Variants in MSTO1 observed in about 807,000 individuals in gnomAD.
The protein encoded by MSTO1 is protein misato homolog 1.
Under a neutral mutation model 55.7 loss-of-function variants are expected in MSTO1, and 24 were observed. The observed-to-expected ratio is 0.43, with a 90% CI of 0.31 to 0.61. MSTO1 has a LOEUF of 0.61. Among genes scored for constraint, MSTO1 ranks in the 20% least tolerant of loss-of-function variants. MSTO1 has a pLI of 0.09. For synonymous variants in MSTO1, 162 were observed against 252.8 expected, an observed-to-expected ratio of 0.64 and a Z score of 3.41; for missense variants, 363 against 625.7, an observed-to-expected ratio of 0.58 and a Z score of 4.48.
At chr1:155,588,142 G>T in the MSTO1 span, among the ~76,000 whole-genome samples, 1 of 151,368 alleles carries the variant, frequency 6.6e-6, no homozygotes, top group Non-Finnish European at 1.5e-5. Flanking sequence ...CTGGGAGGCG[G>T]AGGTTGCAGT....
the MSTO1 span, among the ~76,000 whole-genome samples, chr1:155,579,132 A>AC: frequency 2.0e-5 from 3 of 147,772 alleles, no homozygotes; most frequent in African/African-American, 7.5e-5. Flanking sequence ...ACATGGAGAA[A>AC]CCCCGTCTCT....
At chr1:155,587,603 G>C in the MSTO1 span, among the ~76,000 whole-genome samples, 1 of 151,764 alleles carries the variant, frequency 6.6e-6, no homozygotes, top group Non-Finnish European at 1.5e-5. Flanking sequence ...AATTAGCCGG[G>C]CGTGGTGGCG....
chr1:155,590,863 A>G, the MSTO1 span: 1 of 1,611,034 alleles, frequency 6.2e-7, no homozygotes, highest in East Asian at 2.2e-5. Context: ...GCAAACGGGG[A>G]TTAGTGTCAG....
At chr1:155,588,398 GTTA>G in the MSTO1 span, among the ~76,000 whole-genome samples, 1 of 151,958 alleles carries the variant, frequency 6.6e-6, no homozygotes, top group South Asian at 2.1e-4. Context: ...ACTAATAATA[GTTA>G]TTATTTGTTG....
At chr1:155,608,044 A>G (rs1393046719), upstream of MSTO1, among the ~76,000 whole-genome samples, 3 of 152,202 alleles carry the variant, frequency 2.0e-5, no homozygotes, top group Non-Finnish European at 4.4e-5. Flanking sequence ...AAATACAAAG[A>G]GCTCAGAAGA....
the MSTO1 span, among the ~76,000 whole-genome samples, chr1:155,587,934 G>C: frequency 6.6e-5 from 10 of 151,896 alleles, no homozygotes; most frequent in East Asian, 1.4e-3. Flanking sequence ...AGGTGGGCGC[G>C]GTGGCTCACA....
the MSTO1 span, among the ~76,000 whole-genome samples, chr1:155,580,439 G>A: frequency 0.011 from 1,741 of 152,178 alleles, 39 homozygotes; most frequent in African/African-American, 0.04. Flanking sequence ...GGAGGCTGAG[G>A]TGAAAGGATC....
the MSTO1 span, among the ~76,000 whole-genome samples, chr1:155,569,276 C>CA: frequency 6.6e-6 from 1 of 150,918 alleles, no homozygotes; most frequent in Non-Finnish European, 1.5e-5. Context: ...GCTGGGACTA[C>CA]AGGCGCCCGC....
rs954524316 is a variant in MSTO1, at chr1:155,612,299, G to A, written c.796G>A (p.Gly266Ser). ...RGIITWGLLP[G>S]PYHRGEAQRN... ...AATAATAACCTGGGGCCTGCTACCT[G>A]GTCCCTACCATCGTGGGGTGAGTGG... is the stretch of plus-strand genomic sequence containing the variant. Residue 266 changes from glycine to serine, a missense_variant, in exon 8 of 14, where the codon GGT (glycine) becomes AGT (serine). Transcript: ENST00000245564. 3 of 1,584,716 alleles carry A rather than the reference G, an allele frequency of 1.9e-6. No individual in the cohort carries two copies. Among genetic ancestry groups the A allele is most frequent in the Non-Finnish European group, 2.6e-6 (3 of 1,164,186 alleles).
At chr1:155,596,928 C>T in the MSTO1 span, among the ~76,000 whole-genome samples, 1 of 152,104 alleles carries the variant, frequency 6.6e-6, no homozygotes, top group African/African-American at 2.4e-5. Flanking sequence ...CATAGCAAAA[C>T]CTCATCTCTA....
chr1:155,614,801 C>A lies in MSTO1; in HGVS notation c.*528C>A. The A allele has an allele frequency of 6.4e-7, 1 of 1,569,664 alleles. No individual in the cohort carries two copies. Among genetic ancestry groups the A allele is most frequent in the South Asian group, 1.2e-5 (1 of 86,774 alleles). ...GCATTGCTGGTACTGGTTGCATCAT[C>A]CTCATCCTCAGAGCTGGCTTCACAG... On this transcript the variant is annotated 3_prime_UTR_variant, in exon 14 of 14. Transcript: ENST00000245564.
At chr1:155,575,800 A>T in the MSTO1 span, among the ~76,000 whole-genome samples, 16,910 of 130,178 alleles carry the variant, frequency 0.13, 1,750 homozygotes, top group East Asian at 0.63. Context: ...TTTTATTTTT[A>T]TTTATTTATT....
chr1:155,590,816 G>A, the MSTO1 span: 6 of 1,606,802 alleles, frequency 3.7e-6, no homozygotes, highest in Non-Finnish European at 5.1e-6. Flanking sequence ...GCCACCAGGG[G>A]GTTATAGAAG....
At chr1:155,563,777 G>T in the MSTO1 span, 1 of 354,254 alleles carries the variant, frequency 2.8e-6, no homozygotes, top group Non-Finnish European at 5.5e-6. Context: ...GGGTTAATGT[G>T]TGAAATAATA....
chr1:155,603,288 T>C, the MSTO1 span, among the ~76,000 whole-genome samples: 1 of 151,918 alleles, frequency 6.6e-6, no homozygotes, highest in Non-Finnish European at 1.5e-5. Flanking sequence ...TCCCAGCTAC[T>C]CAGGGGGCTG....
upstream of MSTO1, among the ~76,000 whole-genome samples, chr1:155,608,496 CTTTTT>C (rs769788957): frequency 7.5e-6 from 1 of 132,776 alleles, no homozygotes; most frequent in African/African-American, 2.9e-5. Context: ...TGCCTTATCT[CTTTTT>C]TTTTTTTTTT....
the MSTO1 span, among the ~76,000 whole-genome samples, chr1:155,588,123 C>T: frequency 6.7e-6 from 1 of 149,878 alleles, no homozygotes; most frequent in African/African-American, 2.5e-5. Flanking sequence ...GCAGGAGAAT[C>T]GCTTTAGCCT....
At chr1:155,567,308 A>ATTT in the MSTO1 span, among the ~76,000 whole-genome samples, 1,092 of 123,360 alleles carry the variant, frequency 8.9e-3, 29 homozygotes, top group African/African-American at 0.033. Flanking sequence ...AATTTTTGTA[A>ATTT]TTTTTTTTTT....
intron 4 of MSTO1, 88 bp from the exon 5 acceptor site, chr1:155,611,461 G>A (rs776430912): frequency 5.0e-5 from 80 of 1,613,060 alleles, no homozygotes; most frequent in South Asian, 2.5e-4. Context: ...GAGGCTATGC[G>A]GTGTGGCCAG....
Sources: allele counts gnomAD v4.1 joint callset (sites outside exome capture counted in the v4.1 genomes callset), GRCh38; gene constraint gnomAD v4.1.1; transcripts MANE v1.5; gene names NCBI Gene and HGNC (gene_info 2026-07-23, HGNC 2026-07-21).